The following TMEM143 variants were observed in gnomAD, a reference collection of about 807,000 sequenced individuals.
TMEM143 encodes the protein transmembrane protein 143.
A neutral mutation model predicts 40.3 loss-of-function variants in TMEM143; 45 were observed. That is an observed-to-expected ratio of 1.12 (90% CI 0.88 to 1.43). The LOEUF (loss-of-function observed/expected upper bound fraction) is 1.43. Ranked by LOEUF, TMEM143 falls within the 40% of genes most tolerant of loss-of-function variation. The pLI is 0.00. For missense variants in TMEM143, 620 were observed against 613.4 expected, an observed-to-expected ratio of 1.01 and a Z score of -0.11; for synonymous variants, 299 against 282.7, an observed-to-expected ratio of 1.06 and a Z score of -0.58.
chr19:48,336,363 C>CA lies in TMEM143; in HGVS notation c.976-2167dup, dbSNP rs913757012. 4.4e-3 allele frequency among the ~76,000 whole-genome samples: 628 copies of CA among 141,440 alleles called. 6 individuals are homozygous for CA. Among genetic ancestry groups the CA allele is most frequent in the East Asian group, 0.038 (185 of 4,876 alleles). The allele number at this position is 141,440 out of a possible 152,430, so 92.8% of individuals were successfully genotyped here. On this transcript the variant is annotated intron_variant, in intron 6 of 7. Transcript: ENST00000293261. ...TGAAACCTTGTCTCTACTAAAAATA[C>CA]AAAAAAAAAAAATTAGTCAGGTATG...
intron 6 of TMEM143, among the ~76,000 whole-genome samples, chr19:48,336,697 GTC>G (rs1969376943): frequency 6.6e-6 from 1 of 150,644 alleles, no homozygotes; most frequent in African/African-American, 2.4e-5. Flanking sequence ...GTGACACTGT[GTC>G]TCAAAAAAAA....
Position 48,333,962 on chromosome 19 carries a change from G to A in TMEM143, c.1165+46C>T. ...ACGCATCTCGCTGGGGCGGGGCCTCGCGGGGGTGTGGCCCCTGGGGGCAGG... is the reference window on the plus strand; with the variant it reads ...ACGCATCTCGCTGGGGCGGGGCCTCACGGGGGTGTGGCCCCTGGGGGCAGG... On this transcript the variant is annotated intron_variant, in intron 7 of 7. Transcript: ENST00000293261. This position sits in a 1 kb window ranked among gnomAD's most constrained non-coding sequence, Gnocchi z 4.1. 6.8e-7 allele frequency: 1 copy of A among 1,468,876 alleles called. No homozygotes were observed. The highest frequency in any genetic ancestry group is 9.0e-7 in the Non-Finnish European group (1 of 1,110,012). 91.0% of individuals were successfully genotyped at this position (1,468,876 alleles called of 1,614,324 possible). A position where few individuals can be genotyped will look rare whatever the true frequency, so the allele number is the denominator to read the frequency against.
At chr19:48,352,262 A>AAAAAAAAAAAC (rs74518287) in intron 3 of TMEM143, among the ~76,000 whole-genome samples, 3 of 145,058 alleles carry the variant, frequency 2.1e-5, no homozygotes, top group African/African-American at 5.1e-5. Flanking sequence ...AAAAAAAAAA[A>AAAAAAAAAAAC]CACCATATCT....
chr19:48,342,227 G>A (rs1969507999), intron 6 of TMEM143, among the ~76,000 whole-genome samples: 1 of 139,908 alleles, frequency 7.1e-6, no homozygotes, highest in African/African-American at 2.7e-5. Flanking sequence ...GGAAGGGAAG[G>A]GAAAGGGGAA....
intron 6 of TMEM143, among the ~76,000 whole-genome samples, chr19:48,338,372 C>T (rs1409664020): frequency 6.6e-6 from 1 of 152,228 alleles, no homozygotes; most frequent in Non-Finnish European, 1.5e-5. Context: ...CCATGGCTCC[C>T]CAGTGCTCTC....
At chr19:48,345,424 A>ACATC (rs1418267611) in intron 3 of TMEM143, 70 bp from the exon 4 acceptor site, 1 of 1,049,442 alleles carries the variant, frequency 9.5e-7, no homozygotes, top group African/African-American at 1.7e-5. Context: ...ACATCTAAGG[A>ACATC]CATCCCTCTC....
intron 3 of TMEM143, among the ~76,000 whole-genome samples, chr19:48,353,763 G>A (rs1207818084): frequency 2.0e-5 from 3 of 151,376 alleles, no homozygotes; most frequent in Non-Finnish European, 4.4e-5. Context: ...TCCAATGAGA[G>A]TGTCCTTATA....
chr19:48,336,532 T>A (rs904506455), intron 6 of TMEM143, among the ~76,000 whole-genome samples: 2 of 146,460 alleles, frequency 1.4e-5, no homozygotes, highest in Non-Finnish European at 3.0e-5. Flanking sequence ...CTCAAAAAAA[T>A]AAATAAATAA....
rs904520753 is a variant in TMEM143 at position 48,363,884 on chromosome 19, G to C, written c.23+14C>G. On this transcript the variant is annotated intron_variant, in intron 1 of 7. Coordinates refer to ENST00000293261, the MANE Select transcript of TMEM143 (RefSeq NM_018273.4). Reference sequence around the variant, plus strand: ...GCCCTCCCTGGCCATGCAATCCCCCGATTTCTCCCTCACCTTAGCCAAAGC... The same window carrying C: ...GCCCTCCCTGGCCATGCAATCCCCCCATTTCTCCCTCACCTTAGCCAAAGC... The C allele has an allele frequency of 2.5e-6, 4 of 1,613,922 alleles. No homozygotes were observed. The East Asian group carries it at 8.9e-5, about 36-fold the overall frequency.
chr19:48,346,364 C>T (rs1218902786), intron 3 of TMEM143, among the ~76,000 whole-genome samples: 1 of 151,926 alleles, frequency 6.6e-6, no homozygotes, highest in Non-Finnish European at 1.5e-5. Context: ...AGTGAGATTA[C>T]AGACATGAGC....
At chr19:48,339,959 CTG>C (rs1969452670) in intron 6 of TMEM143, among the ~76,000 whole-genome samples, 2 of 151,586 alleles carry the variant, frequency 1.3e-5, no homozygotes, top group African/African-American at 2.4e-5. Context: ...GAACTCCTGA[CTG>C]CATGTGATCT....
chr19:48,347,612 A>G (rs988098419), intron 3 of TMEM143, among the ~76,000 whole-genome samples: 1 of 144,822 alleles, frequency 6.9e-6, no homozygotes, highest in African/African-American at 2.6e-5. Flanking sequence ...GCGGCAGTGC[A>G]GTGGCATGAT....
chr19:48,334,460 TTC>T (rs59410835), intron 6 of TMEM143, among the ~76,000 whole-genome samples: 9 of 45,842 alleles, frequency 2.0e-4, no homozygotes, highest in South Asian at 5.9e-4. Context: ...CTTTCTTTCT[TTC>T]TTTCTTTCTT....
chr19:48,353,048 T>C (rs987663777), intron 3 of TMEM143, among the ~76,000 whole-genome samples: 1 of 152,184 alleles, frequency 6.6e-6, no homozygotes, highest in African/African-American at 2.4e-5. Flanking sequence ...TCTGTACATG[T>C]TCACTACTGA....
In TMEM143 at chr19:48,355,885, ACCT is replaced by A. The variant is rs1345946007; in HGVS notation, c.369+4184_369+4186del. Among the ~76,000 whole-genome samples, 6 of 151,304 alleles carry A rather than the reference ACCT, an allele frequency of 4.0e-5. No individual in the cohort carries two copies. In the East Asian group the frequency reaches 1.2e-3, roughly 29 times the overall value. On this transcript the variant is annotated intron_variant, in intron 3 of 7. Coordinates refer to ENST00000293261, the MANE Select transcript of TMEM143 (RefSeq NM_018273.4). ...CCTGGAGCCACTGAGCATCAGTTTG[ACCT>A]CGGAGGGGCTGGAGTCTCAGGTCAG...
chr19:48,340,602 A>G (rs1247341760), intron 6 of TMEM143, among the ~76,000 whole-genome samples: 5 of 152,032 alleles, frequency 3.3e-5, no homozygotes, highest in Non-Finnish European at 5.9e-5. Flanking sequence ...AGAGCCTGAC[A>G]GGCTCCATAG....
At chr19:48,337,817 A>G (rs549490822) in intron 6 of TMEM143, among the ~76,000 whole-genome samples, 1 of 152,296 alleles carries the variant, frequency 6.6e-6, no homozygotes, top group South Asian at 2.1e-4. Context: ...AGGTGCCTGC[A>G]TTGGAACGAA....
At chr19:48,350,985 A>G (rs1007620983) in intron 3 of TMEM143, among the ~76,000 whole-genome samples, 6 of 151,352 alleles carry the variant, frequency 4.0e-5, no homozygotes, top group Admixed American at 3.3e-4. Context: ...TGCTGCTGCC[A>G]TATTCCACCA....
intron 5 of TMEM143, 50 bp from the exon 6 acceptor site, chr19:48,342,859 G>T: frequency 6.5e-7 from 1 of 1,539,572 alleles, no homozygotes; most frequent in East Asian, 2.3e-5. Context: ...GCACTGCCCG[G>T]GGAGCCCCCT....
Sources: allele counts gnomAD v4.1 joint callset (sites outside exome capture counted in the v4.1 genomes callset), GRCh38; gene constraint gnomAD v4.1.1; non-coding constraint Gnocchi (gnomAD v3.1); transcripts MANE v1.5; gene names NCBI Gene and HGNC (gene_info 2026-07-23, HGNC 2026-07-21).